Variants in AP1S3 observed in about 807,000 individuals in gnomAD.
The protein encoded by AP1S3 is adaptor related protein complex 1 subunit sigma 3, also known as AP-1 complex subunit sigma-3.
In AP1S3, 10 loss-of-function variants were observed where a neutral mutation model predicts 20.9. The observed-to-expected ratio is 0.48, with a 90% confidence interval of 0.29 to 0.81. The LOEUF (loss-of-function observed/expected upper bound fraction) is 0.81. Ranked by LOEUF, AP1S3 falls within the 30% of genes least tolerant of loss-of-function variation. The pLI is 0.08. For synonymous variants in AP1S3, 41 were observed against 61.5 expected (o/e 0.67, Z 1.56); for missense variants, 154 against 183.8 (o/e 0.84, Z 0.94).
At chr2:223,786,669 AGGTG>A (rs1304252556) in intron 1 of AP1S3, among the ~76,000 whole-genome samples, 1 of 152,180 alleles carries the variant, frequency 6.6e-6, no homozygotes, top group African/African-American at 2.4e-5. Context: ...TGGGAGGCCA[AGGTG>A]AGCAGATCGC....
At chr2:223,822,633 G>A (rs752705661) in intron 1 of AP1S3, among the ~76,000 whole-genome samples, 5 of 151,696 alleles carry the variant, frequency 3.3e-5, no homozygotes, top group Admixed American at 1.3e-4. Flanking sequence ...GCAGTGAGCC[G>A]AGATCGCGCC....
chr2:223,812,456 A>G (rs1350689904), intron 1 of AP1S3, among the ~76,000 whole-genome samples: 1 of 152,298 alleles, frequency 6.6e-6, no homozygotes, highest in South Asian at 2.1e-4. Context: ...TCCTGACTTC[A>G]GGTGATCAGC....
intron 1 of AP1S3, among the ~76,000 whole-genome samples, chr2:223,802,806 C>T (rs1017341016): frequency 2.0e-5 from 3 of 151,634 alleles, no homozygotes; most frequent in Non-Finnish European, 2.9e-5. Flanking sequence ...TCACAGTTCT[C>T]AAAAAAAATG....
intron 1 of AP1S3, among the ~76,000 whole-genome samples, chr2:223,783,531 T>G (rs1691003230): frequency 6.6e-6 from 1 of 152,210 alleles, no homozygotes; most frequent in Non-Finnish European, 1.5e-5. Context: ...TTCTGAAGCA[T>G]GTTCTGGGGA....
chr2:223,835,483 C>A (rs1362920748), intron 1 of AP1S3, among the ~76,000 whole-genome samples: 1 of 152,030 alleles, frequency 6.6e-6, no homozygotes, highest in African/African-American at 2.4e-5. Context: ...GGCAAAACCC[C>A]GTCTCTACTA....
rs557525015 is a variant in AP1S3 at position 223,758,685 on chromosome 2, T to C, written c.*30A>G. On this transcript the variant is annotated 3_prime_UTR_variant, in exon 5 of 5. Coordinates refer to ENST00000396654, the MANE Select transcript of AP1S3 (RefSeq NM_001039569.2). Reference sequence around the variant, plus strand: ...TGCTTATTTACAGCTTCATAACATGTAGTGCTGGAGTCTTCAAGTAGATTT... The same window carrying C: ...TGCTTATTTACAGCTTCATAACATGCAGTGCTGGAGTCTTCAAGTAGATTT... 4 of 1,580,020 alleles carry C rather than the reference T, an allele frequency of 2.5e-6. No individual in the cohort carries two copies. Among genetic ancestry groups the C allele is most frequent in the African/African-American group, 1.4e-5 (1 of 73,698 alleles).
intron 3 of AP1S3, among the ~76,000 whole-genome samples, chr2:223,766,734 A>C (rs1162523811): frequency 6.6e-6 from 1 of 152,238 alleles, no homozygotes; most frequent in Non-Finnish European, 1.5e-5. Flanking sequence ...AAATCATTCT[A>C]CTATAAAGAC....
intron 1 of AP1S3, among the ~76,000 whole-genome samples, chr2:223,800,036 A>G (rs13398339): frequency 0.41 from 61,638 of 150,930 alleles, 12,688 homozygotes; most frequent in Middle Eastern, 0.48. Context: ...TCAATGTGGC[A>G]AAACCCCATC....
At chr2:223,832,181 G>GTGTGTGTGTA in intron 1 of AP1S3, among the ~76,000 whole-genome samples, 1 of 148,670 alleles carries the variant, frequency 6.7e-6, no homozygotes, top group East Asian at 2.0e-4. Context: ...GTGTGTGTGT[G>GTGTGTGTGTA]TGTTGGAAAG....
intron 1 of AP1S3, among the ~76,000 whole-genome samples, chr2:223,812,241 A>C (rs1189196492): frequency 2.0e-5 from 3 of 152,188 alleles, no homozygotes; most frequent in Non-Finnish European, 4.4e-5. Context: ...TTTTGTTTTG[A>C]GATGGAGTCT....
At chr2:223,770,151 T>A (rs1690580631) in intron 3 of AP1S3, 3 of 1,535,296 alleles carry the variant, frequency 2.0e-6, no homozygotes, top group Non-Finnish European at 2.6e-6. Flanking sequence ...CACAATAGAT[T>A]AGACATCCAT....
intron 1 of AP1S3, among the ~76,000 whole-genome samples, chr2:223,835,528 G>A (rs1243183876): frequency 6.6e-6 from 1 of 152,122 alleles, no homozygotes; most frequent in African/African-American, 2.4e-5. Flanking sequence ...GGTGGCGGGC[G>A]CCTGTAATCC....
chr2:223,789,661 CA>C (rs1466434418), intron 1 of AP1S3, among the ~76,000 whole-genome samples: 1 of 123,376 alleles, frequency 8.1e-6, no homozygotes, highest in Non-Finnish European at 1.7e-5. Flanking sequence ...GTCAACATGA[CA>C]AAACCCTGTC....
chr2:223,831,378 C>A (rs936493054), intron 1 of AP1S3, among the ~76,000 whole-genome samples: 1 of 152,238 alleles, frequency 6.6e-6, no homozygotes, highest in Non-Finnish European at 1.5e-5. Context: ...AAGCAATCCA[C>A]ACACCTTGGC....
At chr2:223,834,098 G>A (rs1416446440) in intron 1 of AP1S3, among the ~76,000 whole-genome samples, 3 of 152,080 alleles carry the variant, frequency 2.0e-5, no homozygotes, top group Non-Finnish European at 2.9e-5. Flanking sequence ...AGTAGAGACA[G>A]TGTTTCTCCA....
chr2:223,820,032 C>A (rs920689940), intron 1 of AP1S3, among the ~76,000 whole-genome samples: 1 of 152,090 alleles, frequency 6.6e-6, no homozygotes, highest in Non-Finnish European at 1.5e-5. Context: ...TGCAACAATG[C>A]AAATTTTATT....
intron 1 of AP1S3, among the ~76,000 whole-genome samples, chr2:223,792,612 A>G (rs1484061156): frequency 6.6e-6 from 1 of 152,178 alleles, no homozygotes; most frequent in Non-Finnish European, 1.5e-5. Context: ...AACCAAAACT[A>G]TAGAAACCAT....
chr2:223,759,916 A>G (rs893450723), intron 4 of AP1S3, among the ~76,000 whole-genome samples: 12 of 152,166 alleles, frequency 7.9e-5, no homozygotes, highest in African/African-American at 2.9e-4. Flanking sequence ...GATGGCCTCC[A>G]GCTCCATCCA....
intron 2 of AP1S3, 91 bp downstream of exon 2, chr2:223,777,575 CCCAGCCTTCAAAGATTTCAGTAAAT>C: frequency 1.1e-6 from 1 of 913,742 alleles, no homozygotes; most frequent in East Asian, 2.7e-5. Flanking sequence ...ATATCTGGGC[CCCAGCCTTCAAAGATTTCAGTAAAT>C]GATGGAATTG....
Sources: gnomAD v4.1 joint callset for allele counts (sites outside exome capture counted in the v4.1 genomes callset) on GRCh38, gnomAD v4.1.1 for gene constraint, MANE v1.5 for transcripts, NCBI Gene and HGNC (gene_info 2026-07-23, HGNC 2026-07-21) for gene names.